Variants in TBXAS1 observed in about 807,000 individuals in gnomAD.
The protein encoded by TBXAS1 is thromboxane-A synthase.
TBXAS1 carries 48 observed loss-of-function variants against 60.7 expected under a neutral mutation model. The ratio of observed to expected loss-of-function variants is 0.79; its 90% CI spans 0.63 to 1.01. The LOEUF (loss-of-function observed/expected upper bound fraction) is 1.01, where lower values mean the gene tolerates loss of function less well. TBXAS1 is among the 50% of genes least tolerant of loss of function. TBXAS1 has a pLI of 0.00. For missense variants in TBXAS1, 685 were observed against 686.3 expected, an observed-to-expected ratio of 1.00 and a Z score of 0.02; for synonymous variants, 287 against 269.7, an observed-to-expected ratio of 1.06 and a Z score of -0.63.
intron 2 of TBXAS1, among the ~76,000 whole-genome samples, chr7:139,874,599 C>T (rs2116828141): frequency 6.6e-6 from 1 of 152,324 alleles, no homozygotes; most frequent in Admixed American, 6.5e-5. Context: ...GACATCCACA[C>T]TCCTAACCCC....
At chr7:139,994,776 T>C (rs1813175339) in intron 9 of TBXAS1, among the ~76,000 whole-genome samples, 2 of 152,290 alleles carry the variant, frequency 1.3e-5, no homozygotes, top group South Asian at 4.1e-4. Flanking sequence ...TTAGAGTTGG[T>C]AGCAAAGGGA....
At position 139,983,795 on chromosome 7, in the gene TBXAS1, G is replaced by T. The variant is rs114389020; in HGVS notation, c.1134+21562G>T. 4.0e-3 allele frequency among the ~76,000 whole-genome samples: 608 copies of T among 152,184 alleles called. 8 individuals carry two copies. Among genetic ancestry groups the T allele is most frequent in the African/African-American group, 0.014 (585 of 41,516 alleles). On this transcript the variant is annotated intron_variant, in intron 9 of 12. Coordinates refer to ENST00000448866, the MANE Select transcript of TBXAS1 (RefSeq NM_001061.7). ...AGCCATTTTCCCAGAGCCCTTTCTT[G>T]TGACTCTACCACAGTTCATCCTGGT...
chr7:139,928,498 G>A (rs1283546901), intron 4 of TBXAS1, among the ~76,000 whole-genome samples: 2 of 152,190 alleles, frequency 1.3e-5, no homozygotes, highest in East Asian at 1.9e-4. Flanking sequence ...CCAGATTAAT[G>A]TTAAATCGTG....
intron 4 of TBXAS1, among the ~76,000 whole-genome samples, chr7:139,803,188 G>A (rs1293476822): frequency 6.6e-6 from 1 of 152,176 alleles, no homozygotes; most frequent in East Asian, 1.9e-4. Context: ...CTTGTTGAAT[G>A]GCTTTGACTA....
At chr7:139,813,458 G>A (rs1204642377) in intron 4 of TBXAS1, among the ~76,000 whole-genome samples, 2 of 152,212 alleles carry the variant, frequency 1.3e-5, no homozygotes, top group Admixed American at 6.5e-5. Context: ...GACTGAGGAC[G>A]ACTTCCTGAC....
At chr7:139,848,863 G>A (rs2116631995) in intron 1 of TBXAS1, among the ~76,000 whole-genome samples, 1 of 152,232 alleles carries the variant, frequency 6.6e-6, no homozygotes, top group South Asian at 2.1e-4. Flanking sequence ...TGATACAGAT[G>A]GGGCATGAAG....
At chr7:139,967,415 T>A (rs565930684) in intron 9 of TBXAS1, among the ~76,000 whole-genome samples, 1 of 152,344 alleles carries the variant, frequency 6.6e-6, no homozygotes, top group South Asian at 2.1e-4. Flanking sequence ...CCTAGGCCAA[T>A]GACTCCTTGC....
chr7:139,883,878 T>C (rs1335996860), intron 3 of TBXAS1, among the ~76,000 whole-genome samples: 1 of 152,246 alleles, frequency 6.6e-6, no homozygotes, highest in Non-Finnish European at 1.5e-5. Flanking sequence ...TATTGTATTG[T>C]ATTCTATCTG....
At chr7:139,955,080 T>C (rs895855354) in intron 6 of TBXAS1, among the ~76,000 whole-genome samples, 8 of 152,200 alleles carry the variant, frequency 5.3e-5, no homozygotes, top group African/African-American at 1.2e-4. Context: ...CATGTAGGCG[T>C]TGGGTCACCT....
In TBXAS1 at chr7:139,859,863, G is replaced by T. The variant is rs143141559; in HGVS notation, c.90-12372G>T. Among the ~76,000 whole-genome samples the T allele has an allele frequency of 7.4e-3, 1,133 of 152,306 alleles. 20 individuals are homozygous for T. The highest frequency in any genetic ancestry group is 0.026 in the African/African-American group (1,071 of 41,556). On this transcript the variant is annotated intron_variant, in intron 1 of 12. Transcript: ENST00000448866. ...TTTATAAAACGTTATCTTTGGCCAG[G>T]CATGGTGGCTGACACCTGTAATCCC...
chr7:139,947,403 G>A (rs1385945037), intron 5 of TBXAS1, among the ~76,000 whole-genome samples: 1 of 152,128 alleles, frequency 6.6e-6, no homozygotes, highest in Non-Finnish European at 1.5e-5. Context: ...AACACACACT[G>A]AGGCCTGTTG....
chr7:139,948,653 G>T (rs957828437), intron 5 of TBXAS1, among the ~76,000 whole-genome samples: 11 of 152,144 alleles, frequency 7.2e-5, no homozygotes, highest in Non-Finnish European at 1.3e-4. Context: ...ACAACCGAAT[G>T]CATCTTTTAG....
At chr7:139,809,911 C>T (rs1797984458) in intron 4 of TBXAS1, among the ~76,000 whole-genome samples, 1 of 152,172 alleles carries the variant, frequency 6.6e-6, no homozygotes, top group African/African-American at 2.4e-5. Context: ...ATCTAGGCAT[C>T]CCTTGAGCCA....
At chr7:139,922,850 G>A (rs1806584109) in intron 4 of TBXAS1, among the ~76,000 whole-genome samples, 1 of 152,002 alleles carries the variant, frequency 6.6e-6, no homozygotes, top group Non-Finnish European at 1.5e-5. Context: ...ATATCCAATT[G>A]CCCCAGTACC....
intron 9 of TBXAS1, among the ~76,000 whole-genome samples, chr7:139,986,454 T>C (rs1253374433): frequency 6.6e-6 from 1 of 152,032 alleles, no homozygotes; most frequent in East Asian, 1.9e-4. Context: ...GAGATTTTGG[T>C]GCACCCATCA....
intron 1 of TBXAS1, among the ~76,000 whole-genome samples, chr7:139,855,915 G>A (rs917091668): frequency 1.3e-5 from 2 of 152,188 alleles, no homozygotes; most frequent in Admixed American, 6.5e-5. Flanking sequence ...AAAAAAGCAA[G>A]TCTGAGCGCT....
chr7:139,923,176 A>ATATATATATATATATATATATATATATAT (rs1554490812), intron 4 of TBXAS1, among the ~76,000 whole-genome samples: 4 of 152,116 alleles, frequency 2.6e-5, no homozygotes, highest in Non-Finnish European at 1.5e-5. Context: ...ATATATATAT[A>ATATATATATATATATATATATATATATAT]ATTAGCCAGG....
chr7:139,978,170 G>A lies in TBXAS1; in HGVS notation c.1134+15937G>A, dbSNP rs945739239. On this transcript the variant is annotated intron_variant, in intron 9 of 12. Transcript: ENST00000448866. ...GTTTTTCTCAAGCAGTGATCCTGTG[G>A]GGTCAAGTCTTCAATATCAAATAAT... is the stretch of plus-strand genomic sequence containing the variant. Among the ~76,000 whole-genome samples, 27 of 152,190 alleles carry A rather than the reference G, an allele frequency of 1.8e-4. 1 individual carries two copies. Among genetic ancestry groups the A allele is most frequent in the Admixed American group, 7.2e-4 (11 of 15,282 alleles).
chr7:139,810,910 C>T (rs558951559), intron 4 of TBXAS1, among the ~76,000 whole-genome samples: 85 of 152,350 alleles, frequency 5.6e-4, no homozygotes, highest in African/African-American at 2.0e-3. Context: ...AACAATACCA[C>T]ATATACCCAA....
Sources: gnomAD v4.1 joint callset for allele counts (sites outside exome capture counted in the v4.1 genomes callset) on GRCh38, gnomAD v4.1.1 for gene constraint, MANE v1.5 for transcripts, NCBI Gene and HGNC (gene_info 2026-07-23, HGNC 2026-07-21) for gene names.